The following CSMD1 variants were observed in gnomAD, a reference collection of about 807,000 sequenced individuals.
CSMD1 encodes CUB and Sushi multiple domains 1.
In CSMD1, 213 loss-of-function variants were observed where a neutral mutation model predicts 417.5. The observed-to-expected ratio is 0.51, with a 90% CI of 0.46 to 0.57. The LOEUF is 0.57. CSMD1 is among the 20% of genes least tolerant of loss of function. CSMD1 has a pLI of 0.00. For missense variants in CSMD1, 6,923 were observed against 4,529.7 expected, an observed-to-expected ratio of 1.53 and a Z score of -15.17; for synonymous variants, 2,862 against 1,736.8, an observed-to-expected ratio of 1.65 and a Z score of -16.11.
At chr8:2,964,950 A>G (rs540653448) in intron 59 of CSMD1, among the ~76,000 whole-genome samples, 1 of 152,230 alleles carries the variant, frequency 6.6e-6, no homozygotes, top group African/African-American at 2.4e-5. Flanking sequence ...TCCCTCCCTC[A>G]GTATTTTATT....
chr8:3,484,496 A>G (rs1056333604), intron 11 of CSMD1, among the ~76,000 whole-genome samples: 1 of 152,236 alleles, frequency 6.6e-6, no homozygotes, highest in Admixed American at 6.5e-5. Context: ...AGGAATATGT[A>G]TAGAAGGACT....
At chr8:4,208,920 G>A (rs536932760) in intron 3 of CSMD1, among the ~76,000 whole-genome samples, 3 of 152,242 alleles carry the variant, frequency 2.0e-5, no homozygotes, top group Non-Finnish European at 1.5e-5. Flanking sequence ...ATGCCCTGTA[G>A]ACATAACAGA....
intron 18 of CSMD1, among the ~76,000 whole-genome samples, chr8:3,373,952 AT>A (rs34432095): frequency 0.61 from 76,064 of 125,236 alleles, 22,503 homozygotes; most frequent in South Asian, 0.7. Context: ...GCATCCAACT[AT>A]TTTTTTTTTT....
chr8:4,088,242 G>A (rs1450464786), intron 3 of CSMD1, among the ~76,000 whole-genome samples: 2 of 152,180 alleles, frequency 1.3e-5, no homozygotes, highest in Non-Finnish European at 2.9e-5. Flanking sequence ...CTCAGAAGCT[G>A]AGAAGTAGAT....
At chr8:4,360,003 G>A (rs915209087) in intron 3 of CSMD1, among the ~76,000 whole-genome samples, 3 of 152,210 alleles carry the variant, frequency 2.0e-5, no homozygotes, top group African/African-American at 7.2e-5. Context: ...TGCCATCCCA[G>A]TTGTGGAGTT....
At chr8:4,766,737 C>T (rs1021717823) in intron 1 of CSMD1, among the ~76,000 whole-genome samples, 6 of 152,200 alleles carry the variant, frequency 3.9e-5, no homozygotes, top group Admixed American at 6.5e-5. Context: ...ACTAATCCTA[C>T]GGTGTTTCTT....
At chr8:4,416,909 A>C (rs1322176905) in intron 3 of CSMD1, among the ~76,000 whole-genome samples, 8 of 152,086 alleles carry the variant, frequency 5.3e-5, no homozygotes, top group Non-Finnish European at 1.2e-4. Flanking sequence ...CATATCTAGG[A>C]ATTTTAATAG....
At chr8:4,090,055 G>C (rs1366700207) in intron 3 of CSMD1, among the ~76,000 whole-genome samples, 1 of 152,210 alleles carries the variant, frequency 6.6e-6, no homozygotes, top group Non-Finnish European at 1.5e-5. Context: ...CATAGGACAT[G>C]TAAATTTTCG....
At chr8:4,444,669 G>A (rs145733503) in intron 2 of CSMD1, among the ~76,000 whole-genome samples, 2 of 152,264 alleles carry the variant, frequency 1.3e-5, no homozygotes, top group African/African-American at 4.8e-5. Flanking sequence ...TAATTGTGAT[G>A]ACATGTTGAA....
At chr8:3,000,379 T>A (rs1057184527) in intron 52 of CSMD1, among the ~76,000 whole-genome samples, 11 of 151,982 alleles carry the variant, frequency 7.2e-5, no homozygotes, top group African/African-American at 2.7e-4. Flanking sequence ...GTTGTGATTT[T>A]CCCATCTATC....
At chr8:3,803,954 G>C (rs1055549674) in intron 5 of CSMD1, among the ~76,000 whole-genome samples, 1 of 152,054 alleles carries the variant, frequency 6.6e-6, no homozygotes, top group Non-Finnish European at 1.5e-5. Context: ...TTGAGGTGGA[G>C]TCTTGCTCTG....
At chr8:4,214,682 G>GGT (rs777087369) in intron 3 of CSMD1, among the ~76,000 whole-genome samples, 14 of 152,136 alleles carry the variant, frequency 9.2e-5, no homozygotes, top group African/African-American at 3.1e-4. Flanking sequence ...GAGTGTGTTT[G>GGT]GTGTGTGTGT....
rs73661511 is a variant in CSMD1 at position 4,536,199 on chromosome 8, C to A, written c.302+101143G>T. ...GTTTTATTTGACTGCAAATTTTTAACGATGCTTTTGCATTTCATTTTAACC... is the reference window on the plus strand; with the variant it reads ...GTTTTATTTGACTGCAAATTTTTAAAGATGCTTTTGCATTTCATTTTAACC... On this transcript the variant is annotated intron_variant, in intron 2 of 69. Transcript: ENST00000635120. Among the ~76,000 whole-genome samples the A allele has an allele frequency of 2.2e-3, 337 of 152,182 alleles. 6 individuals carry two copies. Among genetic ancestry groups the A allele is most frequent in the African/African-American group, 7.6e-3 (317 of 41,540 alleles).
chr8:4,709,811 G>C (rs897722175), intron 1 of CSMD1, among the ~76,000 whole-genome samples: 2 of 152,124 alleles, frequency 1.3e-5, no homozygotes, highest in African/African-American at 2.4e-5. Flanking sequence ...GAGAGGAAAA[G>C]AGCACAGTGT....
chr8:3,680,891 A>G (rs560714919), intron 7 of CSMD1, among the ~76,000 whole-genome samples: 1 of 152,330 alleles, frequency 6.6e-6, no homozygotes, highest in East Asian at 1.9e-4. Flanking sequence ...AATATACGCA[A>G]ATCAGTAAAC....
rs540419006 is a variant in CSMD1 at position 4,387,570 on chromosome 8, C to CAAAAA, written c.415+32378_415+32382dup. Among the ~76,000 whole-genome samples, 91 of 37,184 alleles carry CAAAAA rather than the reference C, an allele frequency of 2.4e-3. 4 individuals carry two copies. The highest frequency in any genetic ancestry group is 8.0e-3 in the East Asian group (9 of 1,126). 24.4% of individuals were successfully genotyped at this position (37,184 alleles called of 152,430 possible). On this transcript the variant is annotated intron_variant, in intron 3 of 69. Transcript: ENST00000635120. ...GAAGAGATGCATAAATCCAAACTGG[C>CAAAAA]AAAAAAAAAAAAAAAAAAAAAAGAG... is the stretch of plus-strand genomic sequence containing the variant.
chr8:4,632,338 C>A (rs1398975250), intron 2 of CSMD1, among the ~76,000 whole-genome samples: 2 of 152,078 alleles, frequency 1.3e-5, no homozygotes, highest in Non-Finnish European at 2.9e-5. Context: ...CATGGTGAAA[C>A]CCCGTCTCTA....
At chr8:4,798,925 G>T (rs905557834) in intron 1 of CSMD1, among the ~76,000 whole-genome samples, 1 of 152,170 alleles carries the variant, frequency 6.6e-6, no homozygotes, top group Admixed American at 6.5e-5. Flanking sequence ...GCAACTGTTT[G>T]CATCGGCCAT....
chr8:3,448,963 C>T (rs542734102), intron 12 of CSMD1, among the ~76,000 whole-genome samples: 5 of 152,180 alleles, frequency 3.3e-5, no homozygotes, highest in African/African-American at 1.2e-4. Flanking sequence ...AGGTGACAGC[C>T]AATCGCAATG....
Sources: allele counts gnomAD v4.1 joint callset (sites outside exome capture counted in the v4.1 genomes callset), GRCh38; gene constraint gnomAD v4.1.1; transcripts MANE v1.5; gene names NCBI Gene and HGNC (gene_info 2026-07-23, HGNC 2026-07-21).